TMEM170A: variants seen among roughly 807,000 people sequenced by gnomAD.
TMEM170A encodes transmembrane protein 170.
TMEM170A carries 18 observed loss-of-function variants against 12.8 expected under a neutral mutation model. The observed-to-expected ratio is 1.41, with a 90% CI of 0.97 to 2.09. The LOEUF is 2.09. Ranked by LOEUF, TMEM170A falls within the 30% of genes most tolerant of loss-of-function variation. TMEM170A has a pLI of 0.00. For missense variants in TMEM170A, 220 were observed against 179.9 expected (o/e 1.22, Z -1.28); for synonymous variants, 107 against 76.2 (o/e 1.40, Z -2.11).
At chr16:75,462,423 G>A (rs1015460120) in intron 1 of TMEM170A, among the ~76,000 whole-genome samples, 1 of 152,172 alleles carries the variant, frequency 6.6e-6, no homozygotes, top group Non-Finnish European at 1.5e-5. Flanking sequence ...TGGCCAGGCT[G>A]GTCTTGAACT....
intron 1 of TMEM170A, among the ~76,000 whole-genome samples, chr16:75,455,810 T>C: frequency 6.6e-6 from 1 of 152,132 alleles, no homozygotes; most frequent in East Asian, 1.9e-4. Flanking sequence ...AACAAAGCTT[T>C]TGTTTTCACA....
intron 1 of TMEM170A, chr16:75,452,560 C>T (rs1466271363): frequency 6.6e-6 from 1 of 152,280 alleles, no homozygotes; most frequent in African/African-American, 2.4e-5. Context: ...ATCTGCCCGC[C>T]TTGGCCTCCC....
intron 1 of TMEM170A, chr16:75,458,263 T>C (rs1257647566): frequency 6.6e-6 from 1 of 152,222 alleles, no homozygotes; most frequent in Non-Finnish European, 1.5e-5. Context: ...TAATACAATA[T>C]GATATTGGAA....
rs144192659 is a variant in TMEM170A at position 75,463,031 on chromosome 16, T to G, written c.133+1437A>C. Among the ~76,000 whole-genome samples the G allele has an allele frequency of 2.6e-3, 398 of 152,210 alleles. 2 individuals are homozygous for G. The highest frequency in any genetic ancestry group is 3.8e-3 in the Non-Finnish European group (261 of 68,020). ...ACATCTAAGTGTGATACGTATGTAA[T>G]ACATGTGGTTATATATATAGAGAGA... On this transcript the variant is annotated intron_variant, in intron 1 of 2. Transcript: ENST00000561878.
rs1052970313 is a variant in TMEM170A at position 75,446,532 on chromosome 16, G to T, written c.*1026C>A. On this transcript the variant is annotated 3_prime_UTR_variant, in exon 3 of 3. Coordinates refer to ENST00000561878, the MANE Select transcript of TMEM170A (RefSeq NM_145254.3). ...AAACTTTAGGCACTTTCTGGGAGTT[G>T]ATACCCAATACTGTAAAAGTGGGCT... The T allele has an allele frequency of 6.6e-6, 1 of 152,180 alleles. No individual in the cohort carries two copies. Among genetic ancestry groups the T allele is most frequent in the African/African-American group, 2.4e-5 (1 of 41,454 alleles). The allele number at this position is 152,180 out of a possible 1,614,324, so 9.4% of individuals were successfully genotyped here.
intron 1 of TMEM170A, chr16:75,458,932 T>G (rs1345826360): frequency 6.6e-6 from 1 of 152,196 alleles, no homozygotes; most frequent in Non-Finnish European, 1.5e-5. Context: ...CTCACTCTGT[T>G]GCCCAGGCTG....
chr16:75,454,231 C>T (rs1463960624), intron 1 of TMEM170A, among the ~76,000 whole-genome samples: 2 of 133,966 alleles, frequency 1.5e-5, no homozygotes, highest in South Asian at 2.2e-4. Flanking sequence ...GTTGTGTCAA[C>T]CAAAAATATT....
rs1180863440 is a variant in TMEM170A, at chr16:75,444,834, C to G, written c.*2724G>C. On this transcript the variant is annotated 3_prime_UTR_variant, in exon 3 of 3. Coordinates refer to ENST00000561878, the MANE Select transcript of TMEM170A (RefSeq NM_145254.3). ...AAAAGAGTAGATAACCAAAATATAT[C>G]AAACAAGAAACAGAAACAAATACAC... The G allele has an allele frequency of 6.6e-6, 1 of 152,044 alleles. No homozygotes were observed. The highest frequency in any genetic ancestry group is 1.5e-5 in the Non-Finnish European group (1 of 68,002). The allele number at this position is 152,044 out of a possible 1,614,324, so 9.4% of individuals were successfully genotyped here.
chr16:75,456,457 C>G (rs888495821), intron 1 of TMEM170A, among the ~76,000 whole-genome samples: 7 of 152,088 alleles, frequency 4.6e-5, no homozygotes, highest in Non-Finnish European at 7.4e-5. Context: ...TGGGGTGGCG[C>G]AAGCCTGTAA....
Position 75,451,708 on chromosome 16 carries a change from T to A in TMEM170A, c.265A>T (p.Met89Leu). ...GCAGTAATTGGTCCCACGATGCCCATCAACAGGATGCTTACAGACATGAAC... is the reference window on the plus strand; with the variant it reads ...GCAGTAATTGGTCCCACGATGCCCAACAACAGGATGCTTACAGACATGAAC... The part of the protein sequence containing the change: ...GRFMSVSILL[M>L]GIVGPITAGI... Residue 89 changes from methionine (M) to leucine (L), a missense_variant, in exon 2 of 3, where the codon ATG becomes TTG. Met to Leu is a conservative substitution (Grantham distance 15). Transcript: ENST00000561878. 6.2e-7 allele frequency: 1 copy of A among 1,614,192 alleles called. No homozygotes were observed.
intron 1 of TMEM170A, among the ~76,000 whole-genome samples, chr16:75,463,867 C>G (rs2079948631): frequency 6.6e-6 from 1 of 152,240 alleles, no homozygotes; most frequent in Admixed American, 6.5e-5. Flanking sequence ...TGCCAAAGAT[C>G]TCGAAGGCTT....
chr16:75,450,359 G>A (rs1266057415), intron 2 of TMEM170A, among the ~76,000 whole-genome samples: 1 of 152,004 alleles, frequency 6.6e-6, no homozygotes, highest in East Asian at 1.9e-4. Flanking sequence ...ACACCAAGAT[G>A]TAAACTGTGG....
intron 1 of TMEM170A, 21 bp downstream of exon 1, chr16:75,464,447 C>T (rs776779294): frequency 6.9e-7 from 1 of 1,443,848 alleles, no homozygotes; most frequent in Non-Finnish European, 9.1e-7. Flanking sequence ...GCGCAGTGCG[C>T]AGGCGCGGGG....
At chr16:75,448,512 C>T (rs2079626919) in intron 2 of TMEM170A, among the ~76,000 whole-genome samples, 1 of 152,158 alleles carries the variant, frequency 6.6e-6, no homozygotes, top group African/African-American at 2.4e-5. Flanking sequence ...CCTGTAATCC[C>T]AGCACTTTGG....
chr16:75,455,981 T>TG (rs1161241729), intron 1 of TMEM170A, among the ~76,000 whole-genome samples: 1 of 150,902 alleles, frequency 6.6e-6, no homozygotes, highest in African/African-American at 2.4e-5. Flanking sequence ...AGTGTGTGTG[T>TG]TTTTTCCCCC....
At chr16:75,453,665 C>G (rs2079729069) in intron 1 of TMEM170A, among the ~76,000 whole-genome samples, 1 of 152,190 alleles carries the variant, frequency 6.6e-6, no homozygotes, top group Non-Finnish European at 1.5e-5. Flanking sequence ...GATTTCAAAG[C>G]TCTTTAGGAT....
At chr16:75,454,406 CAGG>C in intron 1 of TMEM170A, among the ~76,000 whole-genome samples, 1 of 152,114 alleles carries the variant, frequency 6.6e-6, no homozygotes, top group Admixed American at 6.6e-5. Flanking sequence ...ATCACGAGGT[CAGG>C]AGTTCAAGAC....
chr16:75,457,134 C>G (rs1001680715), intron 1 of TMEM170A, among the ~76,000 whole-genome samples: 6 of 152,108 alleles, frequency 3.9e-5, no homozygotes, highest in African/African-American at 1.4e-4. Flanking sequence ...TGGGTCCCTG[C>G]TATCCAGGGC....
At chr16:75,454,217 C>G (rs2079742176) in intron 1 of TMEM170A, among the ~76,000 whole-genome samples, 1 of 134,024 alleles carries the variant, frequency 7.5e-6, no homozygotes, top group African/African-American at 2.5e-5. Flanking sequence ...GCACTCTATT[C>G]CCAGTTGTGT....
Sources: allele counts gnomAD v4.1 joint callset (sites outside exome capture counted in the v4.1 genomes callset), GRCh38; gene constraint gnomAD v4.1.1; transcripts MANE v1.5; gene names NCBI Gene and HGNC (gene_info 2026-07-23, HGNC 2026-07-21).